Variants in KLHL4 observed in about 807,000 individuals in gnomAD.
The protein encoded by KLHL4 is kelch like family member 4.
In KLHL4, 17 loss-of-function variants were observed where a neutral mutation model predicts 45.8. The ratio of observed to expected loss-of-function variants is 0.37; its 90% CI spans 0.25 to 0.56. The LOEUF (loss-of-function observed/expected upper bound fraction) is 0.56. KLHL4 is among the 20% of genes least tolerant of loss of function. KLHL4 has a pLI of 0.79. For synonymous variants in KLHL4, 224 were observed against 189.9 expected, an observed-to-expected ratio of 1.18 and a Z score of -1.47; for missense variants, 544 against 544.9, an observed-to-expected ratio of 1.00 and a Z score of 0.02.
chrX:87,544,338 C>T (rs989728485), intron 1 of KLHL4, among the ~76,000 whole-genome samples: 17 of 111,548 alleles, frequency 1.5e-4, no homozygotes, highest in East Asian at 8.6e-4. Context: ...TAAAGAGTTT[C>T]GACAGTAGTC....
At chrX:87,614,834 A>G (rs1461144734) in intron 3 of KLHL4, among the ~76,000 whole-genome samples, 1 of 110,963 alleles carries the variant, frequency 9.0e-6, no homozygotes, top group African/African-American at 3.3e-5. Flanking sequence ...TACCTTAACC[A>G]TGAGAGCAGA....
chrX:87,549,498 T>A (rs1181246236), intron 1 of KLHL4, among the ~76,000 whole-genome samples: 1 of 111,674 alleles, frequency 9.0e-6, no homozygotes, highest in African/African-American at 3.2e-5. Context: ...ATGGATTATT[T>A]TCAAGGATAG....
chrX:87,606,245 GT>G (rs202134030), intron 1 of KLHL4, among the ~76,000 whole-genome samples: 10 of 109,663 alleles, frequency 9.1e-5, no homozygotes, highest in South Asian at 3.8e-4. Context: ...GAATTTGAAA[GT>G]TTTTTTTTCT....
At chrX:87,600,469 C>T (rs918103744) in intron 1 of KLHL4, among the ~76,000 whole-genome samples, 1 of 84,108 alleles carries the variant, frequency 1.2e-5, no homozygotes, top group East Asian at 3.4e-4. Context: ...GGCGACAGAA[C>T]GAGACTTCGT....
At chrX:87,641,161 G>A (rs1923445935) in intron 9 of KLHL4, among the ~76,000 whole-genome samples, 1 of 111,567 alleles carries the variant, frequency 9.0e-6, no homozygotes, top group South Asian at 3.7e-4. Context: ...AGGACCCACA[G>A]ACCATCTGAA....
At chrX:87,578,492 T>G (rs1039445836) in intron 1 of KLHL4, among the ~76,000 whole-genome samples, 9 of 111,986 alleles carry the variant, frequency 8.0e-5, no homozygotes, top group Non-Finnish European at 1.5e-4. Flanking sequence ...AAACACTGAT[T>G]TAACAATGAT....
At chrX:87,615,219 G>A (rs1204353921) in intron 3 of KLHL4, among the ~76,000 whole-genome samples, 1 of 110,838 alleles carries the variant, frequency 9.0e-6, no homozygotes, top group African/African-American at 3.3e-5. Flanking sequence ...TTTGAAAAGC[G>A]ATATGCTCTC....
chrX:87,607,718 G>A (rs5922463), intron 1 of KLHL4, among the ~76,000 whole-genome samples: 41,695 of 110,317 alleles, frequency 0.38, 6,013 homozygotes, highest in Middle Eastern at 0.46. Flanking sequence ...TCTCATAAAC[G>A]GCTCTTCTTC....
intron 1 of KLHL4, among the ~76,000 whole-genome samples, chrX:87,564,028 A>G (rs768831696): frequency 9.9e-5 from 11 of 110,711 alleles, no homozygotes; most frequent in Non-Finnish European, 1.7e-4. Context: ...TGCTAAAAGG[A>G]CAGAACTCCT....
intron 6 of KLHL4, among the ~76,000 whole-genome samples, chrX:87,631,019 G>C (rs1454420190): frequency 9.0e-6 from 1 of 111,409 alleles, no homozygotes; most frequent in African/African-American, 3.3e-5. Flanking sequence ...ATGCAGGGGG[G>C]TTTATAGATG....
At chrX:87,562,791 T>A (rs2147785705) in intron 1 of KLHL4, among the ~76,000 whole-genome samples, 1 of 111,347 alleles carries the variant, frequency 9.0e-6, no homozygotes, top group East Asian at 2.9e-4. Flanking sequence ...CAGGCACTAG[T>A]TATCACCATC....
At chrX:87,584,819 G>A (rs943480166) in intron 1 of KLHL4, among the ~76,000 whole-genome samples, 3 of 99,032 alleles carry the variant, frequency 3.0e-5, no homozygotes, top group Non-Finnish European at 6.1e-5. Flanking sequence ...GGGATAATAA[G>A]AGAGAACTTC....
chrX:87,555,318 G>T (rs1188130433), intron 1 of KLHL4, among the ~76,000 whole-genome samples: 1 of 110,141 alleles, frequency 9.1e-6, no homozygotes, highest in African/African-American at 3.3e-5. Flanking sequence ...TGTACCTCTG[G>T]TAGAATTCGG....
chrX:87,667,155 T>C lies in KLHL4; in HGVS notation c.*621T>C. On this transcript the variant is annotated 3_prime_UTR_variant, in exon 11 of 11. Transcript: ENST00000373119. Reference sequence around the variant, plus strand: ...CGCGGTATGTCAAAATTTTTACAGGTTTGCTCATCTGCCAGAGCACACATA... The same window carrying C: ...CGCGGTATGTCAAAATTTTTACAGGCTTGCTCATCTGCCAGAGCACACATA... 3 of 752,432 alleles carry C rather than the reference T, an allele frequency of 4.0e-6. No homozygotes were observed. Among genetic ancestry groups the C allele is most frequent in the Non-Finnish European group, 4.7e-6 (3 of 637,762 alleles). 62.0% of individuals were successfully genotyped at this position (752,432 alleles called of 1,213,427 possible).
At chrX:87,641,435 G>A (rs1923455777) in intron 9 of KLHL4, among the ~76,000 whole-genome samples, 1 of 111,853 alleles carries the variant, frequency 8.9e-6, no homozygotes, top group Non-Finnish European at 1.9e-5. Context: ...GGTACCACAG[G>A]GATACATTTG....
intron 1 of KLHL4, among the ~76,000 whole-genome samples, chrX:87,555,795 T>A (rs1931957413): frequency 9.1e-6 from 1 of 109,547 alleles, no homozygotes; most frequent in Non-Finnish European, 1.9e-5. Flanking sequence ...TTTCTAGTTC[T>A]TTTAATTGTG....
At chrX:87,637,498 C>T (rs922670348) in intron 9 of KLHL4, among the ~76,000 whole-genome samples, 2 of 111,201 alleles carry the variant, frequency 1.8e-5, no homozygotes, top group East Asian at 5.6e-4. Flanking sequence ...ATCTGAATTG[C>T]CAGAAAAAGA....
At chrX:87,664,989 A>G in intron 10 of KLHL4, 54 bp downstream of exon 10, 1 of 792,765 alleles carries the variant, frequency 1.3e-6, no homozygotes, top group Non-Finnish European at 1.8e-6. Context: ...AAAAGAAGAT[A>G]TTAAATTATA....
At chrX:87,528,076 G>T (rs1306656883) in intron 1 of KLHL4, among the ~76,000 whole-genome samples, 1 of 110,295 alleles carries the variant, frequency 9.1e-6, no homozygotes, top group Admixed American at 9.7e-5. Flanking sequence ...GCCTGAAAAA[G>T]AATTTAAAAT....
Sources: allele counts gnomAD v4.1 joint callset (sites outside exome capture counted in the v4.1 genomes callset), GRCh38; gene constraint gnomAD v4.1.1; transcripts MANE v1.5; gene names NCBI Gene and HGNC (gene_info 2026-07-23, HGNC 2026-07-21).